The following NCKAP5 variants were observed in gnomAD, a reference collection of about 807,000 sequenced individuals.
NCKAP5 encodes nck-associated protein 5.
In NCKAP5, 92 loss-of-function variants were observed where a neutral mutation model predicts 167.0. The ratio of observed to expected loss-of-function variants is 0.55; its 90% confidence interval spans 0.47 to 0.66. The LOEUF (loss-of-function observed/expected upper bound fraction) is 0.66, where lower values mean the gene tolerates loss of function less well. Ranked by LOEUF, NCKAP5 falls within the 30% of genes least tolerant of loss-of-function variation. NCKAP5 has a pLI of 0.00. For synonymous variants in NCKAP5, 891 were observed against 877.4 expected (o/e 1.02, Z -0.27); for missense variants, 2,378 against 2,315.0 (o/e 1.03, Z -0.56).
chr2:133,429,530 C>T (rs1363447589), intron 3 of NCKAP5, among the ~76,000 whole-genome samples: 1 of 152,010 alleles, frequency 6.6e-6, no homozygotes, highest in Non-Finnish European at 1.5e-5. Flanking sequence ...CTGTGTGCCC[C>T]CCAGATTTAG....
At chr2:132,865,033 T>C (rs565049522) in intron 10 of NCKAP5, among the ~76,000 whole-genome samples, 47 of 152,270 alleles carry the variant, frequency 3.1e-4, no homozygotes, top group Middle Eastern at 3.4e-3. Context: ...TGAAGCCTAA[T>C]GGCCACCAAA....
chr2:132,696,739 A>G (rs1190094300), intron 19 of NCKAP5, among the ~76,000 whole-genome samples: 1 of 152,310 alleles, frequency 6.6e-6, no homozygotes, highest in Non-Finnish European at 1.5e-5. Flanking sequence ...ACTCAAGAAG[A>G]AATTCTCCTA....
chr2:133,502,706 C>G (rs923929473), intron 3 of NCKAP5, among the ~76,000 whole-genome samples: 2 of 152,250 alleles, frequency 1.3e-5, no homozygotes, highest in African/African-American at 4.8e-5. Flanking sequence ...GCACACACCA[C>G]AGCTATGACA....
At chr2:133,490,749 C>G (rs779331429) in intron 3 of NCKAP5, among the ~76,000 whole-genome samples, 1 of 152,168 alleles carries the variant, frequency 6.6e-6, no homozygotes, top group Non-Finnish European at 1.5e-5. Flanking sequence ...CTGGACAGAA[C>G]GAGGCAGACC....
At chr2:132,803,975 C>G (rs1337610037) in intron 11 of NCKAP5, among the ~76,000 whole-genome samples, 1 of 152,166 alleles carries the variant, frequency 6.6e-6, no homozygotes, top group African/African-American at 2.4e-5. Flanking sequence ...GTATTAACCA[C>G]ACAGTTAAAT....
In NCKAP5 at chr2:132,939,535, A is replaced by AT. The variant is rs59321347; in HGVS notation, c.579+24184dup. The stretch of plus-strand genomic sequence containing the variant: ...TGTTTGTTCAAGTGCTGTAAGACCT[A>AT]TTTTTTTTTACATTAGTTAAATTTT... On this transcript the variant is annotated intron_variant, in intron 8 of 19. Transcript: ENST00000409261. Among the ~76,000 whole-genome samples the AT allele has an allele frequency of 8.6e-3, 1,306 of 151,108 alleles. 23 individuals carry two copies. Among genetic ancestry groups the AT allele is most frequent in the African/African-American group, 0.028 (1,147 of 41,156 alleles).
intron 5 of NCKAP5, among the ~76,000 whole-genome samples, chr2:133,167,145 G>A (rs2084032768): frequency 6.6e-6 from 1 of 152,166 alleles, no homozygotes; most frequent in African/African-American, 2.4e-5. Flanking sequence ...AGCAAAAGAG[G>A]TATCCTGTGA....
rs1223674285 is a variant in NCKAP5, at chr2:133,520,870, C to G, written c.-61-3283G>C. Reference sequence around the variant, plus strand: ...TCATAAACGTACAGTCCAATCAGGGCTGACAATGGCAACAAGCGGTACAGT... The same window carrying G: ...TCATAAACGTACAGTCCAATCAGGGGTGACAATGGCAACAAGCGGTACAGT... On this transcript the variant is annotated intron_variant, in intron 2 of 19. Transcript: ENST00000409261. 2.6e-5 allele frequency among the ~76,000 whole-genome samples: 4 copies of G among 152,186 alleles called. No homozygotes were observed. In the East Asian group the frequency reaches 7.7e-4, roughly 29 times the overall value.
intron 4 of NCKAP5, among the ~76,000 whole-genome samples, chr2:133,255,040 TTC>T (rs1164685899): frequency 6.6e-6 from 1 of 152,120 alleles, no homozygotes; most frequent in African/African-American, 2.4e-5. Flanking sequence ...AAAAAAAGTT[TTC>T]TTTTATAAAA....
At chr2:133,230,785 C>T (rs1241336056) in intron 4 of NCKAP5, among the ~76,000 whole-genome samples, 1 of 152,158 alleles carries the variant, frequency 6.6e-6, no homozygotes, top group Non-Finnish European at 1.5e-5. Context: ...ACACTAGTTT[C>T]CCATATGTAG....
intron 5 of NCKAP5, among the ~76,000 whole-genome samples, chr2:133,188,257 A>G (rs1559242500): frequency 1.3e-5 from 2 of 152,070 alleles, no homozygotes; most frequent in East Asian, 3.9e-4. Context: ...TATGCATCCA[A>G]TACAAGAGCA....
At chr2:133,085,399 G>A (rs1042233600) in intron 6 of NCKAP5, among the ~76,000 whole-genome samples, 2 of 152,088 alleles carry the variant, frequency 1.3e-5, no homozygotes, top group Non-Finnish European at 2.9e-5. Context: ...TTCATAATAA[G>A]TATGGCAATT....
At position 133,435,915 on chromosome 2, in the gene NCKAP5, C is replaced by T. The variant is rs564268923; in HGVS notation, c.69+81543G>A. On this transcript the variant is annotated intron_variant, in intron 3 of 19. Coordinates refer to ENST00000409261, the MANE Select transcript of NCKAP5 (RefSeq NM_207363.3). ...TTCCATGGCTGACCTTGAGTCACCT[C>T]ACATTCTACGCGATCAAAACTGAAT... is the stretch of plus-strand genomic sequence containing the variant. 3.3e-5 allele frequency among the ~76,000 whole-genome samples: 5 copies of T among 152,230 alleles called. No homozygotes were observed. In the South Asian group the frequency reaches 1.0e-3, roughly 32 times the overall value.
At chr2:132,924,737 T>C (rs1248393628) in intron 8 of NCKAP5, among the ~76,000 whole-genome samples, 1 of 152,162 alleles carries the variant, frequency 6.6e-6, no homozygotes, top group African/African-American at 2.4e-5. Flanking sequence ...AGCTTAGTGA[T>C]TATTTGAGTG....
intron 16 of NCKAP5, among the ~76,000 whole-genome samples, chr2:132,746,075 A>G (rs999245870): frequency 6.6e-6 from 1 of 152,068 alleles, no homozygotes. Flanking sequence ...AGACGTTGAC[A>G]CATTGATTCT....
chr2:132,921,963 G>A (rs539702473), intron 8 of NCKAP5, among the ~76,000 whole-genome samples: 2 of 152,224 alleles, frequency 1.3e-5, no homozygotes, highest in Admixed American at 6.5e-5. Flanking sequence ...TAGTTTCCAC[G>A]GACATGACTG....
At chr2:133,587,995 G>C in the NCKAP5 span, among the ~76,000 whole-genome samples, 5,141 of 151,934 alleles carry the variant, frequency 0.034, 126 homozygotes, top group Admixed American at 0.079. Flanking sequence ...CCAGCATTTT[G>C]TTAAAGAAAA....
At chr2:133,021,185 C>A (rs150303748) in intron 6 of NCKAP5, among the ~76,000 whole-genome samples, 4 of 152,060 alleles carry the variant, frequency 2.6e-5, no homozygotes, top group Non-Finnish European at 5.9e-5. Flanking sequence ...GAAAGCAGTA[C>A]CCTTAGAGGA....
chr2:132,714,684 G>GA (rs1689187261), intron 19 of NCKAP5, among the ~76,000 whole-genome samples: 2 of 152,062 alleles, frequency 1.3e-5, no homozygotes, highest in Admixed American at 6.6e-5. Context: ...GGGCATGGTG[G>GA]CGCATGCCTC....
Sources: allele counts gnomAD v4.1 joint callset (sites outside exome capture counted in the v4.1 genomes callset), GRCh38; gene constraint gnomAD v4.1.1; transcripts MANE v1.5; gene names NCBI Gene and HGNC (gene_info 2026-07-23, HGNC 2026-07-21).